DMD: variants seen among roughly 807,000 people sequenced by gnomAD.
DMD encodes mutant dystrophin.
DMD carries 63 observed loss-of-function variants against 330.1 expected under a neutral mutation model. That is an observed-to-expected ratio of 0.19 (90% CI 0.16 to 0.24). The LOEUF (loss-of-function observed/expected upper bound fraction) is 0.24, where lower values mean the gene tolerates loss of function less well. Ranked by LOEUF, DMD falls within the 10% of genes least tolerant of loss-of-function variation. The pLI, the probability that DMD is intolerant of heterozygous loss-of-function variation, is 1.00. For synonymous variants in DMD, 1,223 were observed against 959.8 expected (o/e 1.27, Z -5.07); for missense variants, 3,344 against 2,684.1 (o/e 1.25, Z -5.43).
chrX:31,819,368 G>A (rs2092704148), intron 50 of DMD, among the ~76,000 whole-genome samples: 2 of 112,519 alleles, frequency 1.8e-5, no homozygotes, highest in South Asian at 7.3e-4. Context: ...AATGGGACAG[G>A]GAGAGGTGCT....
intron 1 of DMD, among the ~76,000 whole-genome samples, chrX:33,131,021 A>C (rs757517353): frequency 4.5e-5 from 5 of 111,718 alleles, no homozygotes; most frequent in African/African-American, 1.6e-4. Flanking sequence ...TCATCCAACT[A>C]ACCGGAAGTG....
chrX:31,912,884 G>C (rs752680340), intron 47 of DMD, among the ~76,000 whole-genome samples: 2 of 112,921 alleles, frequency 1.8e-5, no homozygotes, highest in Non-Finnish European at 3.7e-5. Context: ...CAATGGGATA[G>C]TAGCAAGTGT....
chrX:31,442,646 G>A (rs753460493), intron 60 of DMD, among the ~76,000 whole-genome samples: 12 of 111,194 alleles, frequency 1.1e-4, no homozygotes, highest in Non-Finnish European at 2.1e-4. Context: ...GAAAGCAAAC[G>A]TGGCATTCTG....
rs756845306 is a variant in DMD, at chrX:32,758,824, G to T, written c.649+50669C>A. On this transcript the variant is annotated intron_variant, in intron 7 of 78. Transcript: ENST00000357033. The stretch of plus-strand genomic sequence containing the variant: ...ACCACAAATAGGGGCCATGTGCTCC[G>T]CAGCATCCCCTGCCTGTCTCCCAAA... 2.9e-3 allele frequency among the ~76,000 whole-genome samples: 321 copies of T among 111,453 alleles called. 2 individuals carry two copies. Among genetic ancestry groups the T allele is most frequent in the Middle Eastern group, 9.3e-3 (2 of 216 alleles).
intron 62 of DMD, among the ~76,000 whole-genome samples, chrX:31,282,360 A>T (rs2147894306): frequency 9.0e-6 from 1 of 111,422 alleles, no homozygotes; most frequent in East Asian, 2.8e-4. Context: ...TTGGAGGGAA[A>T]AGTGATTAAT....
chrX:32,309,183 T>G (rs144078661), intron 42 of DMD, among the ~76,000 whole-genome samples: 245 of 111,421 alleles, frequency 2.2e-3, no homozygotes, highest in African/African-American at 7.0e-3. Context: ...AACAAACAAA[T>G]AGCTTTATCC....
chrX:31,987,337 A>C (rs1249829090), intron 44 of DMD, among the ~76,000 whole-genome samples: 1 of 111,657 alleles, frequency 9.0e-6, no homozygotes, highest in Non-Finnish European at 1.9e-5. Context: ...TGAGATACGC[A>C]ATACCTTACT....
chrX:32,857,512 G>T (rs2081674867), intron 2 of DMD, among the ~76,000 whole-genome samples: 1 of 111,971 alleles, frequency 8.9e-6, no homozygotes, highest in Non-Finnish European at 1.9e-5. Context: ...TCTGAGCAAA[G>T]CATGACTTTT....
chrX:31,562,149 T>A, intron 55 of DMD, among the ~76,000 whole-genome samples: 1 of 112,475 alleles, frequency 8.9e-6, no homozygotes, highest in South Asian at 3.7e-4. Context: ...CAGCTCTAAC[T>A]AGACTAAATA....
chrX:33,009,278 A>G (rs369314079), intron 2 of DMD, among the ~76,000 whole-genome samples: 4 of 37,725 alleles, frequency 1.1e-4, no homozygotes, highest in African/African-American at 1.4e-4. Flanking sequence ...ATATACACAT[A>G]TGTGTATGTG....
At chrX:31,474,706 C>CAAAA (rs779735826) in intron 59 of DMD, among the ~76,000 whole-genome samples, 1 of 64,026 alleles carries the variant, frequency 1.6e-5, no homozygotes, top group Non-Finnish European at 2.9e-5. Context: ...GAGACTGTCG[C>CAAAA]AAAAAAAAAA....
intron 50 of DMD, among the ~76,000 whole-genome samples, chrX:31,794,841 G>T (rs926480469): frequency 2.7e-5 from 3 of 111,126 alleles, no homozygotes; most frequent in Non-Finnish European, 5.7e-5. Flanking sequence ...TTGCGTCAAA[G>T]ATCAAGATAA....
At chrX:33,250,035 G>A (rs1404997822) in intron 1 of DMD, among the ~76,000 whole-genome samples, 1 of 100,390 alleles carries the variant, frequency 1.0e-5, no homozygotes, top group African/African-American at 3.9e-5. Context: ...GTGTTGTTGT[G>A]GTTCTTTTTT....
chrX:31,571,202 G>A (rs1404585131), intron 55 of DMD, among the ~76,000 whole-genome samples: 1 of 109,210 alleles, frequency 9.2e-6, no homozygotes, highest in Non-Finnish European at 1.9e-5. Flanking sequence ...TGTATTCTCT[G>A]ACAAAAGGGT....
chrX:33,153,799 G>A (rs1273942486), intron 1 of DMD, among the ~76,000 whole-genome samples: 1 of 111,520 alleles, frequency 9.0e-6, no homozygotes, highest in African/African-American at 3.3e-5. Context: ...AAATCCACAG[G>A]GATCTTGAAA....
At chrX:31,387,310 A>C (rs763369265) in intron 60 of DMD, among the ~76,000 whole-genome samples, 1 of 112,279 alleles carries the variant, frequency 8.9e-6, no homozygotes, top group African/African-American at 3.2e-5. Context: ...TATCACATTA[A>C]ATAGCTGTGT....
intron 4 of DMD, among the ~76,000 whole-genome samples, chrX:32,833,315 A>C (rs191606931): frequency 4.9e-4 from 54 of 111,198 alleles, no homozygotes; most frequent in African/African-American, 1.6e-3. Flanking sequence ...CATAATCCTA[A>C]GAAAATATGA....
intron 43 of DMD, among the ~76,000 whole-genome samples, chrX:32,277,794 C>A (rs2097396304): frequency 9.1e-6 from 1 of 110,159 alleles, no homozygotes; most frequent in Admixed American, 9.8e-5. Flanking sequence ...ATACCAAAAC[C>A]TATGGGATAC....
In DMD at chrX:33,014,760, T is replaced by A. The variant is rs748445785; in HGVS notation, c.93+5379A>T. Among the ~76,000 whole-genome samples, 6 of 106,431 alleles carry A rather than the reference T, an allele frequency of 5.6e-5. No homozygotes were observed. The South Asian group carries it at 2.3e-3, about 40-fold the overall frequency. The allele number at this position is 106,431 out of a possible 115,157, so 92.4% of individuals were successfully genotyped here. A position where few individuals can be genotyped will look rare whatever the true frequency, so the allele number is the denominator to read the frequency against. ...CAGTAGAAAAAAATTCATAAATATA[T>A]GCATTTTTCAATTCAATTCAGAAAA... On this transcript the variant is annotated intron_variant, in intron 2 of 78. Coordinates refer to ENST00000357033, the MANE Select transcript of DMD (RefSeq NM_004006.3).
Sources: gnomAD v4.1 joint callset for allele counts (sites outside exome capture counted in the v4.1 genomes callset) on GRCh38, gnomAD v4.1.1 for gene constraint, MANE v1.5 for transcripts, NCBI Gene and HGNC (gene_info 2026-07-23, HGNC 2026-07-21) for gene names.